CHD1L: variants seen among roughly 807,000 people sequenced by gnomAD.
The protein encoded by CHD1L is ATP-dependent chromatin remodeler CHD1L.
CHD1L carries 118 observed loss-of-function variants against 115.9 expected under a neutral mutation model. That is an observed-to-expected ratio of 1.02 (90% CI 0.88 to 1.19). The LOEUF is 1.19. CHD1L is among the 50% of genes most tolerant of loss of function. CHD1L has a pLI of 0.00. For missense variants in CHD1L, 1,179 were observed against 1,065.3 expected (o/e 1.11, Z -1.49); for synonymous variants, 411 against 387.1 (o/e 1.06, Z -0.72).
the CHD1L span, among the ~76,000 whole-genome samples, chr1:147,220,383 T>C: frequency 1.3e-5 from 2 of 152,328 alleles, no homozygotes; most frequent in African/African-American, 2.4e-5. Flanking sequence ...ACTTGACCTA[T>C]AGATACAATG....
upstream of CHD1L, among the ~76,000 whole-genome samples, chr1:147,238,761 C>G (rs1021744307): frequency 6.6e-6 from 1 of 152,210 alleles, no homozygotes; most frequent in African/African-American, 2.4e-5. Context: ...GCACCTCATT[C>G]AAACATTCAA....
At chr1:147,248,255 T>A (rs1421392794) in intron 1 of CHD1L, among the ~76,000 whole-genome samples, 1 of 151,922 alleles carries the variant, frequency 6.6e-6, no homozygotes, top group Admixed American at 6.6e-5. Flanking sequence ...TTGCCCAGGC[T>A]GGAGTGCAAT....
At chr1:147,209,395 A>G in the CHD1L span, among the ~76,000 whole-genome samples, 6,845 of 147,712 alleles carry the variant, frequency 0.046, 246 homozygotes, top group South Asian at 0.096. Flanking sequence ...CCAAGATCGC[A>G]CCACTGCACT....
chr1:147,172,969 C>T, the CHD1L span: 1 of 152,376 alleles, frequency 6.6e-6, no homozygotes, highest in African/African-American at 2.4e-5. Context: ...AACTGACTTC[C>T]AACTGCAGGC....
At chr1:147,239,346 T>C (rs1318275380), upstream of CHD1L, among the ~76,000 whole-genome samples, 1 of 152,194 alleles carries the variant, frequency 6.6e-6, no homozygotes, top group Non-Finnish European at 1.5e-5. Context: ...CTCGCTCAAG[T>C]ACAACACTAT....
At chr1:147,277,911 C>T (rs889429278) in intron 14 of CHD1L, among the ~76,000 whole-genome samples, 18 of 152,038 alleles carry the variant, frequency 1.2e-4, no homozygotes, top group Admixed American at 1.0e-3. Flanking sequence ...GTGGAGGGAG[C>T]GCCAGGGGTC....
intron 12 of CHD1L, among the ~76,000 whole-genome samples, chr1:147,273,739 GGA>G (rs1287104781): frequency 6.6e-6 from 1 of 152,206 alleles, no homozygotes; most frequent in African/African-American, 2.4e-5. Context: ...TAATCTCCTT[GGA>G]GGACTCAGAG....
chr1:147,295,301 T>C, intron 22 of CHD1L, 130 bp from the exon 23 acceptor site: 1 of 684,344 alleles, frequency 1.5e-6, no homozygotes. Context: ...TGAAAGTGTT[T>C]ATGATATCGT....
At position 147,249,404 on chromosome 1, in the gene CHD1L, A is replaced by ATTTTTTTTTTTTT. The variant is rs59773572; in HGVS notation, c.128-3211_128-3199dup. ...TTAATAATTACATATCTTGGTGTGTATTTTTTTTTTTTTTTTTTTTGAGAT... is the reference window on the plus strand; with the variant it reads ...TTAATAATTACATATCTTGGTGTGTATTTTTTTTTTTTTTTTTTTTTTTTTTTTTTTTTGAGAT... On this transcript the variant is annotated intron_variant, in intron 1 of 22. Coordinates refer to ENST00000369258, the MANE Select transcript of CHD1L (RefSeq NM_004284.6). Among the ~76,000 whole-genome samples the ATTTTTTTTTTTTT allele has an allele frequency of 9.6e-5, 9 of 94,168 alleles. 2 individuals are homozygous for ATTTTTTTTTTTTT. The highest frequency in any genetic ancestry group is 3.3e-4 in the East Asian group (1 of 3,064). 61.8% of individuals were successfully genotyped at this position (94,168 alleles called of 152,430 possible).
chr1:147,235,087 C>G, the CHD1L span, among the ~76,000 whole-genome samples: 21 of 146,080 alleles, frequency 1.4e-4, 1 homozygote, highest in South Asian at 4.5e-4. Flanking sequence ...ATATCCCACA[C>G]TGTGTGTGTG....
intron 6 of CHD1L, among the ~76,000 whole-genome samples, chr1:147,262,558 C>T (rs1230429191): frequency 1.3e-5 from 2 of 152,116 alleles, no homozygotes; most frequent in Non-Finnish European, 2.9e-5. Flanking sequence ...CACCTCAGCT[C>T]TTTACTTGGT....
In CHD1L at chr1:147,285,433, G is replaced by A. The variant is rs1553964835; in HGVS notation, c.1964G>A (p.Arg655Lys). The change falls in exon 17 of 23, where the codon AGG becomes AAG. Residue 655 changes from arginine to lysine, a missense_variant. Physicochemically the swap from Arg to Lys is conservative, Grantham distance 26. Transcript: ENST00000369258. Reference protein sequence around the residue: ...KKRQEAAAKRRRLIEEKKRQK... With the variant: ...KKRQEAAAKRKRLIEEKKRQK... ...AGACAAGAAGCAGCTGCCAAGAGAA[G>A]GAGACTCATAGAGGAGAAGAAGAGG... 6 of 1,613,880 alleles carry A rather than the reference G, an allele frequency of 3.7e-6. No individual in the cohort carries two copies. Among genetic ancestry groups the A allele is most frequent in the Non-Finnish European group, 5.1e-6 (6 of 1,180,002 alleles).
At chr1:147,178,256 T>C in the CHD1L span, 1 of 1,613,722 alleles carries the variant, frequency 6.2e-7, no homozygotes, top group Non-Finnish European at 8.5e-7. Context: ...GCGGGCCTCA[T>C]GCTCGTCGAG....
chr1:147,187,824 CT>C, the CHD1L span, among the ~76,000 whole-genome samples: 1 of 152,078 alleles, frequency 6.6e-6, no homozygotes, highest in South Asian at 2.1e-4. Flanking sequence ...TTTAAAAGGG[CT>C]TTTTAAAGGG....
chr1:147,237,632 T>C, the CHD1L span, among the ~76,000 whole-genome samples: 3 of 152,268 alleles, frequency 2.0e-5, no homozygotes, highest in Non-Finnish European at 4.4e-5. Context: ...CCATTGCAAG[T>C]GGCATCATGA....
In CHD1L at chr1:147,295,623, T is replaced by G; in HGVS notation, c.*114T>G. 1 of 767,076 alleles carries G rather than the reference T, an allele frequency of 1.3e-6. No individual in the cohort carries two copies. Among genetic ancestry groups the G allele is most frequent in the Non-Finnish European group, 2.0e-6 (1 of 491,354 alleles). 47.5% of individuals were successfully genotyped at this position (767,076 alleles called of 1,614,324 possible). On this transcript the variant is annotated 3_prime_UTR_variant, in exon 23 of 23. Transcript: ENST00000369258. Reference sequence around the variant, plus strand: ...GATCTGGTGGGCCTCAGAAATTGTCTCTTTTCTGAGTTTCAGTTTGGTTCT... The same window carrying G: ...GATCTGGTGGGCCTCAGAAATTGTCGCTTTTCTGAGTTTCAGTTTGGTTCT...
the CHD1L span, among the ~76,000 whole-genome samples, chr1:147,232,150 A>G: frequency 2.0e-5 from 3 of 152,184 alleles, no homozygotes; most frequent in African/African-American, 7.2e-5. Flanking sequence ...GCTGCAAAGG[A>G]AAGGTGGCTG....
chr1:147,231,998 A>G, the CHD1L span, among the ~76,000 whole-genome samples: 3 of 152,160 alleles, frequency 2.0e-5, no homozygotes, highest in Non-Finnish European at 2.9e-5. Context: ...TGGAAATGCA[A>G]AAATCACCTG....
intron 15 of CHD1L, among the ~76,000 whole-genome samples, chr1:147,282,704 G>T (rs1414234504): frequency 6.6e-6 from 1 of 152,150 alleles, no homozygotes; most frequent in Non-Finnish European, 1.5e-5. Flanking sequence ...AACACACTCA[G>T]TTCTGTACTG....
Sources: gnomAD v4.1 joint callset for allele counts (sites outside exome capture counted in the v4.1 genomes callset) on GRCh38, gnomAD v4.1.1 for gene constraint, MANE v1.5 for transcripts, NCBI Gene and HGNC (gene_info 2026-07-23, HGNC 2026-07-21) for gene names.